Variants in C1orf116 observed in about 807,000 individuals in gnomAD.
C1orf116 encodes chromosome 1 open reading frame 116.
A neutral mutation model predicts 14.1 loss-of-function variants in C1orf116; 12 were observed. The observed-to-expected ratio is 0.85, with a 90% CI of 0.54 to 1.38. The LOEUF (loss-of-function observed/expected upper bound fraction) is 1.38, where lower values mean the gene tolerates loss of function less well. Among genes scored for constraint, C1orf116 ranks in the 40% most tolerant of loss-of-function variants. The probability of loss-of-function intolerance (pLI) is 0.00; values close to 1 mark genes in which losing one functional copy is unlikely to be tolerated. For missense variants in C1orf116, 797 were observed against 747.0 expected, an observed-to-expected ratio of 1.07 and a Z score of -0.78; for synonymous variants, 296 against 299.0, an observed-to-expected ratio of 0.99 and a Z score of 0.10.
Position 207,022,761 on chromosome 1 carries a change from G to T in C1orf116, c.1003C>A (p.Leu335Met), listed in dbSNP as rs769153212. The stretch of plus-strand genomic sequence containing the variant: ...TGCTCTTGCAGTGAACAGGAGATCA[G>T]GCCAGAATCTCCAGGGGCAGCCTCA... ...HTEAAPGDSG[L>M]ISCSLQEQRK... Residue 335 changes from leucine to methionine, a missense_variant, in exon 4 of 4, where the codon CTG becomes ATG. Transcript: ENST00000359470. The T allele has an allele frequency of 6.2e-7, 1 of 1,614,218 alleles. No homozygotes were observed. Among genetic ancestry groups the T allele is most frequent in the Non-Finnish European group, 8.5e-7 (1 of 1,180,038 alleles).
chr1:207,031,852 A>G (rs1682256109), intron 1 of C1orf116, among the ~76,000 whole-genome samples: 1 of 152,242 alleles, frequency 6.6e-6, no homozygotes, highest in African/African-American at 2.4e-5. Context: ...GGCTCGGCAC[A>G]GCCAGGTAGC....
In C1orf116 at chr1:207,022,555, A is replaced by G; in HGVS notation, c.1209T>C (p.Ile403=). 1 of 1,613,380 alleles carries G rather than the reference A, an allele frequency of 6.2e-7. No individual in the cohort carries two copies. The highest frequency in any genetic ancestry group is 8.5e-7 in the Non-Finnish European group (1 of 1,179,358). The part of the protein sequence containing the change: ...PAAPAQASAA[I]PAAGKALAQA... ...GAGCCAGAGCCTTCCCAGCAGCAGG[A>G]ATAGCTGCTGAGGCCTGGGCTGGAG... Residue 403 remains isoleucine (I), a synonymous_variant, in exon 4 of 4, where the codon ATT becomes ATC. Transcript: ENST00000359470.
chr1:207,030,845 A>G (rs574493396), intron 1 of C1orf116, among the ~76,000 whole-genome samples: 62 of 152,348 alleles, frequency 4.1e-4, no homozygotes, highest in Admixed American at 8.5e-4. Flanking sequence ...ACCTATAGTC[A>G]GGGCCACCCA....
chr1:207,026,617 A>T (rs1465846022), intron 2 of C1orf116, among the ~76,000 whole-genome samples: 3 of 152,260 alleles, frequency 2.0e-5, no homozygotes, highest in African/African-American at 7.2e-5. Flanking sequence ...TGTCTTAAAC[A>T]TCTTGACATT....
rs375888657 is a variant in C1orf116, at chr1:207,021,188, C to G, written c.*770G>C. ...AGAACGGGAGTAGCAGAGTCAGGGA[C>G]GACAGCACAGTTGGTGATTGAATTT... On this transcript the variant is annotated 3_prime_UTR_variant, in exon 4 of 4. Coordinates refer to ENST00000359470, the MANE Select transcript of C1orf116 (RefSeq NM_023938.6). The G allele has an allele frequency of 1.3e-5, 2 of 152,542 alleles. No individual in the cohort carries two copies. Among genetic ancestry groups the G allele is most frequent in the East Asian group, 3.8e-4 (2 of 5,200 alleles). The allele number at this position is 152,542 out of a possible 1,614,324, so 9.4% of individuals were successfully genotyped here. A position where few individuals can be genotyped will look rare whatever the true frequency, so the allele number is the denominator to read the frequency against.
intron 3 of C1orf116, 60 bp from the exon 4 acceptor site, chr1:207,023,540 G>A (rs1023635223): frequency 4.0e-6 from 6 of 1,517,162 alleles, no homozygotes; most frequent in Non-Finnish European, 4.4e-6. Context: ...AGAGGTGAGG[G>A]CCCTGCTGCA....
chr1:207,019,355 A>G lies in C1orf116; in HGVS notation c.*2603T>C, dbSNP rs1466770545. 6.6e-6 allele frequency: 1 copy of G among 152,270 alleles called. No individual in the cohort carries two copies. The highest frequency in any genetic ancestry group is 2.4e-5 in the African/African-American group (1 of 41,470). The allele number at this position is 152,270 out of a possible 1,614,324, so 9.4% of individuals were successfully genotyped here. On this transcript the variant is annotated 3_prime_UTR_variant, in exon 4 of 4. Coordinates refer to ENST00000359470, the MANE Select transcript of C1orf116 (RefSeq NM_023938.6). ...AGTGGCATCAAGGCTATGGCAGGGT[A>G]TAGCAGAGATCTAAGGCCAAGTGGA...
Position 207,021,793 on chromosome 1 carries a change from A to T in C1orf116, c.*165T>A. On this transcript the variant is annotated 3_prime_UTR_variant, in exon 4 of 4. Coordinates refer to ENST00000359470, the MANE Select transcript of C1orf116 (RefSeq NM_023938.6). Reference sequence around the variant, plus strand: ...GTGGAGATCACCTTCAGAATGATCCACATGGGAACTCAATGGCACAACACT... The same window carrying T: ...GTGGAGATCACCTTCAGAATGATCCTCATGGGAACTCAATGGCACAACACT... 1 of 631,028 alleles carries T rather than the reference A, an allele frequency of 1.6e-6. No individual in the cohort carries two copies. The highest frequency in any genetic ancestry group is 2.5e-6 in the Non-Finnish European group (1 of 404,434). The allele number at this position is 631,028 out of a possible 1,614,324, so 39.1% of individuals were successfully genotyped here. A position where few individuals can be genotyped will look rare whatever the true frequency, so the allele number is the denominator to read the frequency against.
chr1:207,019,866 G>A lies in C1orf116; in HGVS notation c.*2092C>T, dbSNP rs372397347. 13 of 152,248 alleles carry A rather than the reference G, an allele frequency of 8.5e-5. No homozygotes were observed. The East Asian group carries it at 1.9e-3, about 23-fold the overall frequency. 9.4% of individuals were successfully genotyped at this position (152,248 alleles called of 1,614,324 possible). A position where few individuals can be genotyped will look rare whatever the true frequency, so the allele number is the denominator to read the frequency against. On this transcript the variant is annotated 3_prime_UTR_variant, in exon 4 of 4. Coordinates refer to ENST00000359470, the MANE Select transcript of C1orf116 (RefSeq NM_023938.6). The stretch of plus-strand genomic sequence containing the variant: ...AGAAATGACCTTTCTCAGGATGTGG[G>A]AATATAATAGGCTGTACTCCTGATG...
chr1:207,030,141 A>G (rs1168189171), intron 1 of C1orf116, among the ~76,000 whole-genome samples: 1 of 152,214 alleles, frequency 6.6e-6, no homozygotes, highest in Non-Finnish European at 1.5e-5. Context: ...CTTGCAAAGT[A>G]CTCTCAGATA....
chr1:207,025,083 GGGGCGGGGGCGGGGAGGCGGGGGGGA>G lies in C1orf116; in HGVS notation c.106-45_106-20del. On this transcript the variant is annotated intron_variant, in intron 2 of 3. Transcript: ENST00000359470. The stretch of plus-strand genomic sequence containing the variant: ...TATCACTCTGTTGGGTTTGGGGTTG[GGGGCGGGGGCGGGGAGGCGGGGGGGA>G]GGGCGAGAAGAAGAACAGGAGAGGG... 1 of 1,162,652 alleles carries G rather than the reference GGGGCGGGGGCGGGGAGGCGGGGGGGA, an allele frequency of 8.6e-7. No homozygotes were observed. The allele number at this position is 1,162,652 out of a possible 1,614,324, so 72.0% of individuals were successfully genotyped here.
intron 2 of C1orf116, among the ~76,000 whole-genome samples, chr1:207,026,636 A>T (rs1682082565): frequency 6.6e-6 from 1 of 152,230 alleles, no homozygotes; most frequent in Non-Finnish European, 1.5e-5. Context: ...TTCAGTAGAC[A>T]CCCTTAAATT....
chr1:207,022,259 C>G lies in C1orf116; in HGVS notation c.1505G>C (p.Ser502Thr). The G allele has an allele frequency of 6.2e-7, 1 of 1,613,776 alleles. No individual in the cohort carries two copies. The highest frequency in any genetic ancestry group is 8.5e-7 in the Non-Finnish European group (1 of 1,179,902). Reference sequence around the variant, plus strand: ...TCCCAGAGAAGTGCTGGTTTTGGGGCTGGCATCTTTCTCAGTTGAAAGGTA... The same window carrying G: ...TCCCAGAGAAGTGCTGGTTTTGGGGGTGGCATCTTTCTCAGTTGAAAGGTA... Reference protein sequence around the residue: ...SSYLSTEKDASPKTSTSLGKG... With the variant: ...SSYLSTEKDATPKTSTSLGKG... The change falls in exon 4 of 4, where the codon AGC (serine) becomes ACC (threonine). Residue 502 changes from serine (S) to threonine (T), a missense_variant. By Grantham distance (58) the Ser-to-Thr change is moderately conservative. Coordinates refer to ENST00000359470, the MANE Select transcript of C1orf116 (RefSeq NM_023938.6).
In C1orf116 at chr1:207,020,165, C is replaced by T. The variant is rs1245936241; in HGVS notation, c.*1793G>A. 2 of 152,106 alleles carry T rather than the reference C, an allele frequency of 1.3e-5. No homozygotes were observed. The highest frequency in any genetic ancestry group is 1.3e-4 in the Admixed American group (2 of 15,272). 9.4% of individuals were successfully genotyped at this position (152,106 alleles called of 1,614,324 possible). On this transcript the variant is annotated 3_prime_UTR_variant, in exon 4 of 4. Coordinates refer to ENST00000359470, the MANE Select transcript of C1orf116 (RefSeq NM_023938.6). ...GCCGGTTGTGGGAGTCCTCATCAGCCGTGACAGACCAAGTCCTCACCCATG... is the reference window on the plus strand; with the variant it reads ...GCCGGTTGTGGGAGTCCTCATCAGCTGTGACAGACCAAGTCCTCACCCATG...
intron 1 of C1orf116, among the ~76,000 whole-genome samples, chr1:207,029,482 C>G (rs993293442): frequency 6.6e-6 from 1 of 152,092 alleles, no homozygotes; most frequent in African/African-American, 2.4e-5. Flanking sequence ...GAGGACTAAC[C>G]CATTCCTAAC....
intron 3 of C1orf116, among the ~76,000 whole-genome samples, chr1:207,024,522 T>C (rs1682009933): frequency 1.3e-5 from 2 of 152,318 alleles, no homozygotes; most frequent in South Asian, 4.1e-4. Context: ...TCACCCAGAT[T>C]AGCTCTCTAG....
At position 207,020,952 on chromosome 1, in the gene C1orf116, A is replaced by C. The variant is rs1681827264; in HGVS notation, c.*1006T>G. On this transcript the variant is annotated 3_prime_UTR_variant, in exon 4 of 4. Transcript: ENST00000359470. Reference sequence around the variant, plus strand: ...TCAGAGCTTCTCTGAGGCCCCTCTTACCTCTGATATTCTATTAAGACTGGC... The same window carrying C: ...TCAGAGCTTCTCTGAGGCCCCTCTTCCCTCTGATATTCTATTAAGACTGGC... 1 of 151,990 alleles carries C rather than the reference A, an allele frequency of 6.6e-6. No homozygotes were observed. 9.4% of individuals were successfully genotyped at this position (151,990 alleles called of 1,614,324 possible).
chr1:207,030,607 C>G (rs1682215579), intron 1 of C1orf116, among the ~76,000 whole-genome samples: 2 of 152,210 alleles, frequency 1.3e-5, no homozygotes, highest in South Asian at 4.1e-4. Context: ...GCTGTCACCT[C>G]ATCTCCATAC....
At chr1:207,026,577 C>T (rs1488328482) in intron 2 of C1orf116, among the ~76,000 whole-genome samples, 1 of 152,212 alleles carries the variant, frequency 6.6e-6, no homozygotes, top group Non-Finnish European at 1.5e-5. Flanking sequence ...TCTTTCTCTA[C>T]TCTATTTTTA....
Sources: allele counts gnomAD v4.1 joint callset (sites outside exome capture counted in the v4.1 genomes callset), GRCh38; gene constraint gnomAD v4.1.1; transcripts MANE v1.5; gene names NCBI Gene and HGNC (gene_info 2026-07-23, HGNC 2026-07-21).